Variants in FHIP2B observed in about 807,000 individuals in gnomAD.
FHIP2B encodes FHF complex subunit HOOK interacting protein 2B.
Under a neutral mutation model 84.0 loss-of-function variants are expected in FHIP2B, and 72 were observed. The ratio of observed to expected loss-of-function variants is 0.86; its 90% confidence interval spans 0.71 to 1.04. The LOEUF is 1.04. Among genes scored for constraint, FHIP2B ranks in the 50% least tolerant of loss-of-function variants. FHIP2B has a pLI of 0.00. For synonymous variants in FHIP2B, 497 were observed against 418.7 expected (o/e 1.19, Z -2.28); for missense variants, 972 against 968.9 (o/e 1.00, Z -0.04).
intron 14 of FHIP2B, 55 bp from the exon 15 acceptor site, chr8:22,102,120 C>G: frequency 4.3e-6 from 7 of 1,611,972 alleles, no homozygotes; most frequent in Non-Finnish European, 5.9e-6. Context: ...TGGGGGAGTG[C>G]AAAAATACTC....
rs752489254 is a variant in FHIP2B, at chr8:22,098,255, G to A, written c.713G>A (p.Gly238Asp). 1.2e-5 allele frequency: 19 copies of A among 1,593,252 alleles called. 1 individual carries two copies. The South Asian group carries it at 2.0e-4, about 17-fold the overall frequency. ...HMPAETEELD[G>D]GTTESNLITS... Reference sequence around the variant, plus strand: ...CCTGCTGAGACCGAGGAGCTGGACGGTGGGACCACAGAGAGCAACCTGATT... The same window carrying A: ...CCTGCTGAGACCGAGGAGCTGGACGATGGGACCACAGAGAGCAACCTGATT... Residue 238 changes from glycine (G) to aspartate (D), a missense_variant, in exon 6 of 17, where the codon GGT (glycine) becomes GAT (aspartate). By Grantham distance (94) the Gly-to-Asp change is moderately conservative. Coordinates refer to ENST00000289921, the MANE Select transcript of FHIP2B (RefSeq NM_022749.7).
At chr8:22,090,315 C>A (rs1238633353) in intron 1 of FHIP2B, among the ~76,000 whole-genome samples, 2 of 152,210 alleles carry the variant, frequency 1.3e-5, no homozygotes, top group Non-Finnish European at 2.9e-5. Context: ...CTCCCCACCA[C>A]CTCCTCCCCA....
chr8:22,093,153 T>G (rs1825582605), intron 1 of FHIP2B, among the ~76,000 whole-genome samples: 1 of 152,136 alleles, frequency 6.6e-6, no homozygotes, highest in African/African-American at 2.4e-5. Flanking sequence ...TGAACCTCAC[T>G]GGGGACTTTC....
intron 7 of FHIP2B, 85 bp from the exon 8 acceptor site, chr8:22,098,863 G>T: frequency 8.2e-7 from 1 of 1,213,328 alleles, no homozygotes; most frequent in East Asian, 2.6e-5. Flanking sequence ...ACAGGAGAGG[G>T]GAAGGGCCCA....
intron 11 of FHIP2B, 33 bp from the exon 12 acceptor site, chr8:22,100,811 C>G: frequency 1.2e-6 from 2 of 1,613,492 alleles, no homozygotes; most frequent in Non-Finnish European, 1.7e-6. Flanking sequence ...TCCATTCATT[C>G]ACTGGTGCCG....
At chr8:22,093,746 T>A (rs1825622015) in intron 1 of FHIP2B, among the ~76,000 whole-genome samples, 1 of 109,040 alleles carries the variant, frequency 9.2e-6, no homozygotes, top group Non-Finnish European at 1.7e-5. Flanking sequence ...AGATAGGGTC[T>A]CACCTTGTCA....
intron 8 of FHIP2B, 25 bp from the exon 9 acceptor site, chr8:22,099,259 C>G (rs752017375): frequency 1.2e-6 from 2 of 1,612,046 alleles, no homozygotes; most frequent in South Asian, 2.2e-5. Context: ...GAGGGCAAAA[C>G]ACATTGGCGC....
At position 22,096,491 on chromosome 8, in the gene FHIP2B, C is replaced by A; in HGVS notation, c.279C>A (p.Cys93Ter). Residue 93 changes from cysteine (C) to a stop codon, truncating the protein, a stop_gained, in exon 3 of 17, where the codon TGC (cysteine) becomes TGA (stop). Coordinates refer to ENST00000289921, the MANE Select transcript of FHIP2B (RefSeq NM_022749.7). LOFTEE classifies it high-confidence loss of function. ...AGCACAAGATCCTGGAGACTCTCTG[C>A]ACGCTGGGCAAGGCCGAGGTGGGAG... is the stretch of plus-strand genomic sequence containing the variant. The part of the protein sequence containing the change: ...LLQHKILETL[C>*]TLGKAEYPPG... 1 of 1,544,800 alleles carries A rather than the reference C, an allele frequency of 6.5e-7. No homozygotes were observed.
At chr8:22,089,996 C>T in intron 1 of FHIP2B, 2 of 429,310 alleles carry the variant, frequency 4.7e-6, no homozygotes, top group Non-Finnish European at 8.0e-6. Flanking sequence ...CTGGGTGGCC[C>T]TGTGCGGGGA....
chr8:22,092,148 G>A (rs1185635353), intron 1 of FHIP2B, among the ~76,000 whole-genome samples: 2 of 152,210 alleles, frequency 1.3e-5, no homozygotes, highest in African/African-American at 2.4e-5. Context: ...GATGCCCTGC[G>A]GACTGAGGGG....
Position 22,099,014 on chromosome 8 carries a change from C to T in FHIP2B, c.1032C>T (p.Gly344=), listed in dbSNP as rs759499027. ...PGKEALAAFL[G]WFDYCDHLIT... Reference sequence around the variant, plus strand: ...AGGAGGCCTTGGCTGCCTTCTTGGGCTGGTTTGATTACTGCGACCACCTCA... The same window carrying T: ...AGGAGGCCTTGGCTGCCTTCTTGGGTTGGTTTGATTACTGCGACCACCTCA... Residue 344 remains glycine (G), a synonymous_variant, in exon 8 of 17, where the codon GGC becomes GGT. Coordinates refer to ENST00000289921, the MANE Select transcript of FHIP2B (RefSeq NM_022749.7). 2.5e-6 allele frequency: 4 copies of T among 1,607,950 alleles called. No homozygotes were observed. In the African/African-American group the frequency reaches 5.3e-5, roughly 21 times the overall value.
intron 3 of FHIP2B, 88 bp downstream of exon 3, chr8:22,096,597 G>T (rs758022936): frequency 7.2e-5 from 101 of 1,406,246 alleles, no homozygotes; most frequent in Non-Finnish European, 8.6e-5. Context: ...TCTGTGCGCT[G>T]GGCCAGGCCG....
rs1329000292 is a variant in FHIP2B at position 22,101,492 on chromosome 8, A to T, written c.1669A>T (p.Thr557Ser). The change falls in exon 13 of 17, where the codon ACA becomes TCA. Residue 557 changes from threonine to serine, a missense_variant. Transcript: ENST00000289921. ...CAAGACCTCTGCCTTCCTGGAGGAG[A>T]CAGGCTATGACACATACGTCCACGA... ...EAKTSAFLEE[T>S]GYDTYVHDAY... 5.6e-6 allele frequency: 9 copies of T among 1,612,524 alleles called. No individual in the cohort carries two copies. Among genetic ancestry groups the T allele is most frequent in the South Asian group, 1.1e-5 (1 of 90,854 alleles).
In FHIP2B at chr8:22,099,733, C is replaced by T. The variant is rs778802439; in HGVS notation, c.1181C>T (p.Ala394Val). The T allele has an allele frequency of 6.9e-6, 11 of 1,598,998 alleles. No homozygotes were observed. Among genetic ancestry groups the T allele is most frequent in the African/African-American group, 5.4e-5 (4 of 74,056 alleles). The change falls in exon 10 of 17, where the codon GCC becomes GTC. Residue 394 changes from alanine (A) to valine (V), a missense_variant. Coordinates refer to ENST00000289921, the MANE Select transcript of FHIP2B (RefSeq NM_022749.7). ...GAGCAGAGCATCTTGACCTCCACCG[C>T]CCTCCTCACAGCCATGCTGCGCCAG... ...VSEQSILTST[A>V]LLTAMLRQLR...
chr8:22,101,704 T>G lies in FHIP2B; in HGVS notation c.1708-4T>G, dbSNP rs1389921372. The G allele has an allele frequency of 6.2e-7, 1 of 1,607,034 alleles. No homozygotes were observed. Among genetic ancestry groups the G allele is most frequent in the Non-Finnish European group, 8.5e-7 (1 of 1,175,738 alleles). On this transcript the variant is annotated splice_polypyrimidine_tract_variant and splice_region_variant and intron_variant, in intron 13 of 16. Coordinates refer to ENST00000289921, the MANE Select transcript of FHIP2B (RefSeq NM_022749.7). ...CACTGCCTCTACTTTCCCGCCTGTC[T>G]CAGTTCCAGGAGTGCAGCTCCCGCG...
chr8:22,089,222 T>A lies in FHIP2B; in HGVS notation c.-32T>A. On this transcript the variant is annotated 5_prime_UTR_variant, in exon 1 of 17. Transcript: ENST00000289921. ...CCGCCTAGAGCGCTGCCGCCGCCGC[T>A]TTCGCCCGGGAGCCGGGGGCCGGGC... 9.5e-7 allele frequency: 1 copy of A among 1,057,744 alleles called. No individual in the cohort carries two copies. Among genetic ancestry groups the A allele is most frequent in the Non-Finnish European group, 1.1e-6 (1 of 877,922 alleles). 65.5% of individuals were successfully genotyped at this position (1,057,744 alleles called of 1,614,324 possible).
chr8:22,092,964 G>A (rs1427869436), intron 1 of FHIP2B, among the ~76,000 whole-genome samples: 1 of 152,206 alleles, frequency 6.6e-6, no homozygotes, highest in Non-Finnish European at 1.5e-5. Flanking sequence ...AGGACTAGGT[G>A]TTAGTCATCC....
intron 1 of FHIP2B, 136 bp downstream of exon 1, chr8:22,089,434 C>A (rs896413613): frequency 1.4e-5 from 5 of 348,076 alleles, no homozygotes; most frequent in Non-Finnish European, 1.6e-5. Context: ...CGGGCCGCGG[C>A]GCCCCTTCCT....
rs539293067 is a variant in FHIP2B at position 22,099,380 on chromosome 8, A to G, written c.1151+20A>G. ...GCACGTGTAAGTGTCTAGTTCCCTC[A>G]GGCATGACTGTGGTCTACAGTAAAC... is the stretch of plus-strand genomic sequence containing the variant. On this transcript the variant is annotated intron_variant, in intron 9 of 16. Coordinates refer to ENST00000289921, the MANE Select transcript of FHIP2B (RefSeq NM_022749.7). 104 of 1,611,778 alleles carry G rather than the reference A, an allele frequency of 6.5e-5. 1 individual carries two copies. In the South Asian group the frequency reaches 1.0e-3, roughly 16 times the overall value.
Sources: gnomAD v4.1 joint callset for allele counts (sites outside exome capture counted in the v4.1 genomes callset) on GRCh38, gnomAD v4.1.1 for gene constraint, MANE v1.5 for transcripts, NCBI Gene and HGNC (gene_info 2026-07-23, HGNC 2026-07-21) for gene names.